Variants in MCM8 observed in about 807,000 individuals in gnomAD.
MCM8 encodes minichromosome maintenance 8 homologous recombination repair factor, also known as DNA helicase MCM8.
Under a neutral mutation model 98.9 loss-of-function variants are expected in MCM8, and 85 were observed. The ratio of observed to expected loss-of-function variants is 0.86; its 90% confidence interval spans 0.72 to 1.03. The LOEUF (loss-of-function observed/expected upper bound fraction) is 1.03, where lower values mean the gene tolerates loss of function less well. Ranked by LOEUF, MCM8 falls within the 50% of genes least tolerant of loss-of-function variation. The probability of loss-of-function intolerance (pLI) is 0.00; values close to 1 mark genes in which losing one functional copy is unlikely to be tolerated. For synonymous variants in MCM8, 352 were observed against 338.6 expected (o/e 1.04, Z -0.44); for missense variants, 951 against 997.8 (o/e 0.95, Z 0.63).
intron 17 of MCM8, among the ~76,000 whole-genome samples, chr20:5,992,022 A>G (rs1226442490): frequency 6.6e-6 from 1 of 152,222 alleles, no homozygotes; most frequent in Non-Finnish European, 1.5e-5. Context: ...CTGTATTTTA[A>G]AAAACTAAAT....
At chr20:5,985,456 A>T (rs1169374374) in intron 15 of MCM8, among the ~76,000 whole-genome samples, 4 of 151,996 alleles carry the variant, frequency 2.6e-5, no homozygotes, top group Admixed American at 6.6e-5. Flanking sequence ...AAAAAAAAAA[A>T]AAGGAATCTA....
intron 13 of MCM8, among the ~76,000 whole-genome samples, chr20:5,979,198 A>G (rs934029237): frequency 7.2e-5 from 11 of 152,080 alleles, no homozygotes; most frequent in African/African-American, 1.9e-4. Context: ...TGAAACTCTC[A>G]TTGGTTTCCA....
chr20:5,993,776 C>A, intron 18 of MCM8, 81 bp downstream of exon 18: 1 of 1,204,310 alleles, frequency 8.3e-7, no homozygotes, highest in Non-Finnish European at 1.1e-6. Flanking sequence ...ACAGTTTTTA[C>A]TTATTTAAAA....
chr20:5,975,957 A>C (rs2089502369), intron 12 of MCM8, among the ~76,000 whole-genome samples: 1 of 152,094 alleles, frequency 6.6e-6, no homozygotes, highest in African/African-American at 2.4e-5. Context: ...CTGTAATGTT[A>C]GTGGAAATTA....
chr20:5,993,713 A>G lies in MCM8; in HGVS notation c.2430+18A>G. The G allele has an allele frequency of 6.4e-7, 1 of 1,551,314 alleles. No individual in the cohort carries two copies. The highest frequency in any genetic ancestry group is 1.8e-5 in the Admixed American group (1 of 55,086). On this transcript the variant is annotated intron_variant, in intron 18 of 18. Coordinates refer to ENST00000610722, the MANE Select transcript of MCM8 (RefSeq NM_032485.6). ...ACATTCAGGTATGTTAAACTAGTTA[A>G]TCTCTTTTGTAATAATTTCAGGAGG... is the stretch of plus-strand genomic sequence containing the variant.
Position 5,994,831 on chromosome 20 carries a change from C to T in MCM8, c.*440C>T, listed in dbSNP as rs2089931901. 2.5e-6 allele frequency: 1 copy of T among 406,568 alleles called. No homozygotes were observed. The allele number at this position is 406,568 out of a possible 1,614,324, so 25.2% of individuals were successfully genotyped here. A position where few individuals can be genotyped will look rare whatever the true frequency, so the allele number is the denominator to read the frequency against. On this transcript the variant is annotated 3_prime_UTR_variant, in exon 19 of 19. Coordinates refer to ENST00000610722, the MANE Select transcript of MCM8 (RefSeq NM_032485.6). ...GGCTGAGGCAGGAGGATTCTTTGAG[C>T]CCAGGAGTTTGAGGTTACAGTGAGC...
rs1485929856 is a variant in MCM8, at chr20:5,967,940, G to A, written c.1138G>A (p.Gly380Arg). Residue 380 changes from glycine (G) to arginine (R), a missense_variant, in exon 10 of 19, where the codon GGA becomes AGA. Gly to Arg is a moderately radical substitution (Grantham distance 125, BLOSUM62 -2). Coordinates refer to ENST00000610722, the MANE Select transcript of MCM8 (RefSeq NM_032485.6). Reference protein sequence around the residue: ...TKSSEDGCKHGMLMEFSLKDL... With the variant: ...TKSSEDGCKHRMLMEFSLKDL... ...GAGTTCTGAGGATGGGTGTAAGCATGGAATGTTGATGGAGTTCTCACTTAA... is the reference window on the plus strand; with the variant it reads ...GAGTTCTGAGGATGGGTGTAAGCATAGAATGTTGATGGAGTTCTCACTTAA... 5.6e-6 allele frequency: 9 copies of A among 1,614,018 alleles called. No homozygotes were observed. The highest frequency in any genetic ancestry group is 7.6e-6 in the Non-Finnish European group (9 of 1,180,010).
intron 4 of MCM8, 62 bp from the exon 5 acceptor site, chr20:5,955,040 T>C (rs1306031686): frequency 6.2e-6 from 7 of 1,131,666 alleles, no homozygotes; most frequent in Middle Eastern, 2.1e-4. Context: ...AATAGAATGC[T>C]CAGTTAATGG....
intron 10 of MCM8, 21 bp from the exon 11 acceptor site, chr20:5,971,986 A>G: frequency 6.2e-7 from 1 of 1,607,672 alleles, no homozygotes; most frequent in South Asian, 1.1e-5. Flanking sequence ...TAGAATTTAT[A>G]AGTTGTGTTC....
chr20:5,967,650 T>A, intron 9 of MCM8, 63 bp downstream of exon 9: 1 of 1,515,288 alleles, frequency 6.6e-7, no homozygotes, highest in South Asian at 1.2e-5. Flanking sequence ...TCATCTTTTC[T>A]AAGATGCTCC....
chr20:5,958,401 C>T (rs1389531402), intron 6 of MCM8, 127 bp from the exon 7 acceptor site: 2 of 719,020 alleles, frequency 2.8e-6, no homozygotes, highest in African/African-American at 1.8e-5. Context: ...TGGTTTAATT[C>T]TTGTGATATT....
chr20:5,976,527 G>T (rs909815882), intron 12 of MCM8, among the ~76,000 whole-genome samples: 2 of 152,154 alleles, frequency 1.3e-5, no homozygotes, highest in African/African-American at 4.8e-5. Flanking sequence ...AGCAGAACTG[G>T]CAGAAAGTTA....
At chr20:5,993,364 C>T in intron 17 of MCM8, 142 bp from the exon 18 acceptor site, 1 of 493,648 alleles carries the variant, frequency 2.0e-6, no homozygotes, top group Non-Finnish European at 3.5e-6. Context: ...TCAGAGTGGC[C>T]CCTCAATAAA....
At chr20:5,978,121 G>A (rs2089552308) in intron 13 of MCM8, 104 bp downstream of exon 13, 2 of 1,338,802 alleles carry the variant, frequency 1.5e-6, no homozygotes, top group Non-Finnish European at 2.1e-6. Context: ...CATTTAGATA[G>A]CAAAGTCCTA....
chr20:5,964,378 A>G (rs2089228580), intron 8 of MCM8, among the ~76,000 whole-genome samples: 1 of 152,178 alleles, frequency 6.6e-6, no homozygotes, highest in Non-Finnish European at 1.5e-5. Context: ...ACCAACATAT[A>G]TAATAATTAA....
At position 5,998,720 on chromosome 20, in the gene MCM8, A is replaced by T. The variant is rs1050244824; in HGVS notation, c.*4329A>T. 6.6e-6 allele frequency: 1 copy of T among 152,216 alleles called. No homozygotes were observed. The highest frequency in any genetic ancestry group is 1.5e-5 in the Non-Finnish European group (1 of 68,046). The allele number at this position is 152,216 out of a possible 1,614,324, so 9.4% of individuals were successfully genotyped here. ...GTTTCCTGCAACTAATCACTCATAC[A>T]TCTGTATCTAAAGCACTCCACCTGG... On this transcript the variant is annotated 3_prime_UTR_variant, in exon 19 of 19. Coordinates refer to ENST00000610722, the MANE Select transcript of MCM8 (RefSeq NM_032485.6).
rs115073927 is a variant in MCM8 at position 5,976,523 on chromosome 20, A to G, written c.1396-1353A>G. ...CTGAAGCAATTTTTACAGAAGCAGA[A>G]CTGGCAGAAAGTTAAAAAAATTAAT... On this transcript the variant is annotated intron_variant, in intron 12 of 18. Transcript: ENST00000610722. Among the ~76,000 whole-genome samples, 925 of 152,298 alleles carry G rather than the reference A, an allele frequency of 6.1e-3. 13 individuals are homozygous for G. The highest frequency in any genetic ancestry group is 0.022 in the African/African-American group (896 of 41,554).
intron 8 of MCM8, among the ~76,000 whole-genome samples, chr20:5,967,223 G>C (rs1371797955): frequency 6.6e-6 from 1 of 152,062 alleles, no homozygotes; most frequent in Non-Finnish European, 1.5e-5. Flanking sequence ...ACTCATTTTG[G>C]TGGACATTTT....
At chr20:5,975,208 A>G (rs1600280233) in intron 12 of MCM8, among the ~76,000 whole-genome samples, 1 of 152,068 alleles carries the variant, frequency 6.6e-6, no homozygotes, top group South Asian at 2.1e-4. Flanking sequence ...GCAGGGAGCC[A>G]TCGTTATGCA....
Sources: gnomAD v4.1 joint callset for allele counts (sites outside exome capture counted in the v4.1 genomes callset) on GRCh38, gnomAD v4.1.1 for gene constraint, MANE v1.5 for transcripts, NCBI Gene and HGNC (gene_info 2026-07-23, HGNC 2026-07-21) for gene names.